The following INF2 variants were observed in gnomAD, a reference collection of about 807,000 sequenced individuals.
The protein encoded by INF2 is inverted formin 2.
INF2 carries 43 observed loss-of-function variants against 123.5 expected under a neutral mutation model. The ratio of observed to expected loss-of-function variants is 0.35; its 90% CI spans 0.27 to 0.45. INF2 has a LOEUF of 0.45. Ranked by LOEUF, INF2 falls within the 20% of genes least tolerant of loss-of-function variation. The probability of loss-of-function intolerance (pLI) is 1.00; values close to 1 mark genes in which losing one functional copy is unlikely to be tolerated. For missense variants in INF2, 1,453 were observed against 1,682.7 expected (o/e 0.86, Z 2.39); for synonymous variants, 851 against 745.0 (o/e 1.14, Z -2.32).
Position 104,689,762 on chromosome 14 carries a change from C to T in INF2, c.-10+23C>T, listed in dbSNP as rs1435676484. 4.1e-6 allele frequency: 4 copies of T among 984,284 alleles called. No homozygotes were observed. The East Asian group carries it at 3.4e-4, about 84-fold the overall frequency. The allele number at this position is 984,284 out of a possible 1,614,324, so 61.0% of individuals were successfully genotyped here. ...CGGGTAAGTCCTTGGCCTCGGGGTCCGCTTGGAGCTTCAGGGGAAACTGAG... is the reference window on the plus strand; with the variant it reads ...CGGGTAAGTCCTTGGCCTCGGGGTCTGCTTGGAGCTTCAGGGGAAACTGAG... On this transcript the variant is annotated intron_variant, in intron 1 of 22. Coordinates refer to ENST00000392634, the MANE Select transcript of INF2 (RefSeq NM_022489.4).
chr14:104,692,612 C>T (rs893276198), intron 1 of INF2, among the ~76,000 whole-genome samples: 3 of 152,224 alleles, frequency 2.0e-5, no homozygotes, highest in Non-Finnish European at 4.4e-5. Flanking sequence ...GGAATAGGCC[C>T]GCCCTCCAGG....
intron 4 of INF2, 51 bp from the exon 5 acceptor site, chr14:104,703,865 G>T (rs780879046): frequency 1.2e-5 from 20 of 1,609,478 alleles, no homozygotes; most frequent in Non-Finnish European, 1.6e-5. Flanking sequence ...GTGAAATGGG[G>T]AAGGCGGGGA....
chr14:104,687,643 T>A (rs1412689342), upstream of INF2, among the ~76,000 whole-genome samples: 1 of 152,118 alleles, frequency 6.6e-6, no homozygotes, highest in Non-Finnish European at 1.5e-5. The surrounding 1 kb of genome is among the most constrained non-coding windows in gnomAD (Gnocchi z 5.6). Context: ...GGACCAGGTG[T>A]GCAGCTCGGA....
At chr14:104,700,569 GA>G (rs1392137873) in intron 1 of INF2, among the ~76,000 whole-genome samples, 1 of 152,172 alleles carries the variant, frequency 6.6e-6, no homozygotes, top group Non-Finnish European at 1.5e-5. Flanking sequence ...TGGTGGCGTG[GA>G]GCTGATGTCA....
chr14:104,711,265 C>T (rs1222930057), intron 15 of INF2, 79 bp downstream of exon 15: 2 of 1,215,078 alleles, frequency 1.6e-6, no homozygotes, highest in Non-Finnish European at 1.2e-6. Flanking sequence ...AGAGGCCATA[C>T]CCCCATGCCC....
intron 1 of INF2, among the ~76,000 whole-genome samples, chr14:104,694,254 A>G (rs1345155992): frequency 2.0e-5 from 3 of 152,226 alleles, no homozygotes. Context: ...TACAGATGAG[A>G]AAACTGAGTC....
Position 104,719,747 on chromosome 14 carries a change from TGAG to T in INF2, c.*956_*958del, listed in dbSNP as rs763184624. 3.8e-4 allele frequency: 58 copies of T among 152,100 alleles called. No individual in the cohort carries two copies. The highest frequency in any genetic ancestry group is 1.4e-3 in the African/African-American group (57 of 41,448). 9.4% of individuals were successfully genotyped at this position (152,100 alleles called of 1,614,324 possible). ...CAGGCCCCGTGTGAACACTCACTGTTGAGGGGTCCCTGGGCCCCCAGGCACCGT... is the reference window on the plus strand; with the variant it reads ...CAGGCCCCGTGTGAACACTCACTGTTGGGTCCCTGGGCCCCCAGGCACCGT... On this transcript the variant is annotated 3_prime_UTR_variant, in exon 23 of 23. Transcript: ENST00000392634.
chr14:104,715,314 C>G lies in INF2; in HGVS notation c.3725C>G (p.Thr1242Arg). ...EVPPDSDDNK[T>R]KKLCVIQ ...CCCCCTGATTCTGATGATAATAAAACAAAGAAACTGTGTGTGATCCAGTAA... is the reference window on the plus strand; with the variant it reads ...CCCCCTGATTCTGATGATAATAAAAGAAAGAAACTGTGTGTGATCCAGTAA... Residue 1242 changes from threonine (T) to arginine (R), a missense_variant, in exon 22 of 23, where the codon ACA (threonine) becomes AGA (arginine). Physicochemically the swap from Thr to Arg is moderately conservative, Grantham distance 71. Transcript: ENST00000392634. The G allele has an allele frequency of 6.2e-7, 1 of 1,613,618 alleles. No homozygotes were observed. The highest frequency in any genetic ancestry group is 1.3e-5 in the African/African-American group (1 of 75,060).
Position 104,716,699 on chromosome 14 carries a change from A to AT in INF2, c.*1+1367dup, listed in dbSNP as rs1423621346. On this transcript the variant is annotated intron_variant, in intron 22 of 22. Transcript: ENST00000392634. ...TTCTCTCCCCAACTTTTTATTTTTTATTTTTTTTCAAGACGGAGTCTCACT... is the reference window on the plus strand; with the variant it reads ...TTCTCTCCCCAACTTTTTATTTTTTATTTTTTTTTCAAGACGGAGTCTCACT... Among the ~76,000 whole-genome samples the AT allele has an allele frequency of 2.0e-5, 3 of 151,644 alleles. No homozygotes were observed. In the East Asian group the frequency reaches 5.8e-4, roughly 29 times the overall value.
intron 2 of INF2, 55 bp downstream of exon 2, chr14:104,701,811 GCTTCAGGCCCAAAA>G: frequency 7.0e-7 from 1 of 1,437,526 alleles, no homozygotes; most frequent in Non-Finnish European, 9.1e-7. Context: ...CTGGTATGAG[GCTTCAGGCCCAAAA>G]GGCCCCGGGA....
intron 22 of INF2, chr14:104,715,670 G>A (rs1245607772): frequency 2.3e-5 from 13 of 561,098 alleles, no homozygotes; most frequent in African/African-American, 2.0e-4. Context: ...GCGTGGGCGG[G>A]ACCTCCTGGC....
intron 5 of INF2, 34 bp downstream of exon 5, chr14:104,703,983 C>T: frequency 6.2e-7 from 1 of 1,606,898 alleles, no homozygotes; most frequent in Non-Finnish European, 8.5e-7. Flanking sequence ...TGCCGGCTCC[C>T]CCTCCTGCTC....
intron 5 of INF2, among the ~76,000 whole-genome samples, chr14:104,705,135 G>A (rs2140659354): frequency 6.6e-6 from 1 of 152,310 alleles, no homozygotes; most frequent in South Asian, 2.1e-4. Flanking sequence ...TGGCCTCAGG[G>A]GCCAGGCGCG....
At chr14:104,714,981 C>T (rs1890226513) in intron 21 of INF2, 125 bp downstream of exon 21, 2 of 1,073,194 alleles carry the variant, frequency 1.9e-6, no homozygotes, top group Non-Finnish European at 2.6e-6. Context: ...TTGGGTGCGG[C>T]ACGGGAGAGG....
At position 104,711,100 on chromosome 14, in the gene INF2, G is replaced by A. The variant is rs1350913423; in HGVS notation, c.2332G>A (p.Asp778Asn). The A allele has an allele frequency of 5.7e-6, 9 of 1,591,638 alleles. No homozygotes were observed. The highest frequency in any genetic ancestry group is 5.2e-5 in the Admixed American group (3 of 57,236). The change falls in exon 15 of 23, where the codon GAC becomes AAC. Residue 778 changes from aspartate (D) to asparagine (N), a missense_variant. Coordinates refer to ENST00000392634, the MANE Select transcript of INF2 (RefSeq NM_022489.4). ...LNYGSHTGDA[D>N]GFKISTLLKL... ...CCAGGGCAGCCACACCGGTGACGCC[G>A]ACGGCTTCAAGATCAGCACATTGCT... is the stretch of plus-strand genomic sequence containing the variant.
chr14:104,715,513 C>T (rs1890259691), intron 22 of INF2, among the ~76,000 whole-genome samples, 173 bp downstream of exon 22: 1 of 152,214 alleles, frequency 6.6e-6, no homozygotes, highest in African/African-American at 2.4e-5. Context: ...CCCGCCCCAT[C>T]CCCTCCCTCT....
chr14:104,702,260 C>T (rs1889556385), intron 2 of INF2, among the ~76,000 whole-genome samples: 1 of 152,216 alleles, frequency 6.6e-6, no homozygotes, highest in African/African-American at 2.4e-5. Context: ...GCGCCTCCCT[C>T]CCCGCCCTGT....
At position 104,706,960 on chromosome 14, in the gene INF2, C is replaced by T. The variant is rs1271012052; in HGVS notation, c.894C>T (p.Leu298=). 3.1e-6 allele frequency: 5 copies of T among 1,602,244 alleles called. No homozygotes were observed. The African/African-American group carries it at 5.3e-5, about 17-fold the overall frequency. ...SAQLLSVLQG[L]LHLEPTLRSS... is the part of the protein sequence containing the mutation. ...AGCTCCTGTCGGTGCTGCAGGGCCT[C>T]CTGCACCTGGAGCCCACCCTCCGCT... The change falls in exon 7 of 23, where the codon CTC becomes CTT. Residue 298 remains leucine, a synonymous_variant. Coordinates refer to ENST00000392634, the MANE Select transcript of INF2 (RefSeq NM_022489.4).
rs778663935 is a variant in INF2, at chr14:104,711,590, A to G, written c.2419-39A>G. The G allele has an allele frequency of 1.7e-5, 27 of 1,585,012 alleles. No individual in the cohort carries two copies. The African/African-American group carries it at 3.6e-4, about 21-fold the overall frequency. ...ACAGGGTCATCCCCAGGTGGAGAGT[A>G]TGACCACAGTGGATCTCACTGGACG... On this transcript the variant is annotated intron_variant, in intron 15 of 22. Transcript: ENST00000392634.
Sources: allele counts gnomAD v4.1 joint callset (sites outside exome capture counted in the v4.1 genomes callset), GRCh38; gene constraint gnomAD v4.1.1; non-coding constraint Gnocchi (gnomAD v3.1); transcripts MANE v1.5; gene names NCBI Gene and HGNC (gene_info 2026-07-23, HGNC 2026-07-21).